Variants in ZNF808 observed in about 807,000 individuals in gnomAD.
The protein encoded by ZNF808 is zinc finger protein 808.
Under a neutral mutation model 8.7 loss-of-function variants are expected in ZNF808, and 5 were observed. The ratio of observed to expected loss-of-function variants is 0.58; its 90% CI spans 0.30 to 1.21. The LOEUF is 1.21. Among genes scored for constraint, ZNF808 ranks in the 50% most tolerant of loss-of-function variants. The pLI is 0.07. For synonymous variants in ZNF808, 380 were observed against 366.0 expected (o/e 1.04, Z -0.44); for missense variants, 1,103 against 1,098.4 (o/e 1.00, Z -0.06).
downstream of ZNF808, among the ~76,000 whole-genome samples, chr19:52,560,283 G>A (rs1166950411): frequency 1.3e-5 from 2 of 151,284 alleles, no homozygotes; most frequent in African/African-American, 4.9e-5. Flanking sequence ...CCAAGATTGT[G>A]CCACTGCACT....
rs746484474 is a variant in ZNF808 at position 52,555,170 on chromosome 19, T to C, written c.2254T>C (p.Cys752Arg). 1.2e-6 allele frequency: 2 copies of C among 1,613,624 alleles called. No individual in the cohort carries two copies. The highest frequency in any genetic ancestry group is 1.7e-6 in the Non-Finnish European group (2 of 1,179,610). The change falls in exon 5 of 5, where the codon TGC (cysteine) becomes CGC (arginine). Residue 752 changes from cysteine (C) to arginine (R), a missense_variant. Physicochemically the swap from Cys to Arg is radical, Grantham distance 180. Transcript: ENST00000359798. ...GTTCAGTCAGAAGGCAACCCTTCTA[T>C]GCCATCGTAGACTTCATAGTGGTGA... ...KTFSQKATLLCHRRLHSGEKP... is the reference protein window; with the variant it reads ...KTFSQKATLLRHRRLHSGEKP...
chr19:52,565,123 A>G (rs572128195), downstream of ZNF808, among the ~76,000 whole-genome samples: 1 of 152,198 alleles, frequency 6.6e-6, no homozygotes, highest in South Asian at 2.1e-4. Context: ...ATACAAATAC[A>G]AAATTAGGCG....
chr19:52,528,422 A>G (rs1488559401), intron 1 of ZNF808, among the ~76,000 whole-genome samples: 2 of 152,234 alleles, frequency 1.3e-5, no homozygotes, highest in African/African-American at 4.8e-5. Flanking sequence ...AGACAGAGAA[A>G]GAATAAGAAA....
At chr19:52,545,191 T>C (rs2059709261) in intron 3 of ZNF808, among the ~76,000 whole-genome samples, 1 of 152,194 alleles carries the variant, frequency 6.6e-6, no homozygotes, top group African/African-American at 2.4e-5. Context: ...TAAATTTGTT[T>C]TGAGTTGAGT....
At chr19:52,557,775 A>G (rs1478999958), downstream of ZNF808, among the ~76,000 whole-genome samples, 2 of 152,174 alleles carry the variant, frequency 1.3e-5, no homozygotes, top group Admixed American at 6.5e-5. Flanking sequence ...GGTATGCGTA[A>G]GATGCTTCTC....
intron 3 of ZNF808, among the ~76,000 whole-genome samples, chr19:52,562,178 G>C (rs2059860332): frequency 6.6e-6 from 1 of 152,082 alleles, no homozygotes; most frequent in African/African-American, 2.4e-5. Flanking sequence ...AGGAGTTTGA[G>C]AGCAGCCTGG....
At position 52,547,826 on chromosome 19, in the gene ZNF808, G is replaced by A. The variant is rs557513102; in HGVS notation, c.190+188G>A. Among the ~76,000 whole-genome samples, 4 of 142,506 alleles carry A rather than the reference G, an allele frequency of 2.8e-5. No individual in the cohort carries two copies. In the South Asian group the frequency reaches 7.0e-4, roughly 25 times the overall value. The allele number at this position is 142,506 out of a possible 152,430, so 93.5% of individuals were successfully genotyped here. On this transcript the variant is annotated intron_variant, in intron 4 of 4. Transcript: ENST00000359798. ...GGTATATCGGTTCACCATAACCTCC[G>A]CCTTCCAGGTTCAAGTGATTCTCCT... is the stretch of plus-strand genomic sequence containing the variant.
chr19:52,553,338 A>T lies in ZNF808; in HGVS notation c.422A>T (p.Gln141Leu). ...AAAAAGTTGACTGGTAGCACAGACC[A>T]ACATGATCACAGGCATGCTGGAAAC... ...KIKKLTGSTDQHDHRHAGNKP... is the reference protein window; with the variant it reads ...KIKKLTGSTDLHDHRHAGNKP... The change falls in exon 5 of 5, where the codon CAA (glutamine) becomes CTA (leucine). Residue 141 changes from glutamine (Q) to leucine (L), a missense_variant. Transcript: ENST00000359798. 6.2e-7 allele frequency: 1 copy of T among 1,614,154 alleles called. No homozygotes were observed. The highest frequency in any genetic ancestry group is 8.5e-7 in the Non-Finnish European group (1 of 1,179,962).
Position 52,554,051 on chromosome 19 carries a change from G to T in ZNF808, c.1135G>T (p.Ala379Ser), listed in dbSNP as rs369740825. 1.9e-6 allele frequency: 3 copies of T among 1,614,036 alleles called. No homozygotes were observed. The East Asian group carries it at 6.7e-5, about 36-fold the overall frequency. Residue 379 changes from alanine to serine, a missense_variant, in exon 5 of 5, where the codon GCT becomes TCT. Transcript: ENST00000359798. ...KPYKCKICEK[A>S]FACHSYLANH... ...TTACAAATGTAAGATTTGTGAGAAGGCTTTTGCGTGTCATTCCTATCTGGC... is the reference window on the plus strand; with the variant it reads ...TTACAAATGTAAGATTTGTGAGAAGTCTTTTGCGTGTCATTCCTATCTGGC...
At chr19:52,536,432 G>A (rs1478593396) in intron 2 of ZNF808, among the ~76,000 whole-genome samples, 3 of 152,090 alleles carry the variant, frequency 2.0e-5, no homozygotes, top group Non-Finnish European at 4.4e-5. Flanking sequence ...CCAGTCCTGG[G>A]GAGGCTGCGT....
Position 52,555,470 on chromosome 19 carries a change from T to C in ZNF808, c.2554T>C (p.Cys852Arg), listed in dbSNP as rs2059827393. ...TGEKPYKCEA[C>R]DKVFSRKSHL... ...AGAGAAACCTTACAAATGTGAAGCA[T>C]GTGACAAAGTTTTCAGTCGCAAATC... Residue 852 changes from cysteine (C) to arginine (R), a missense_variant, in exon 5 of 5, where the codon TGT (cysteine) becomes CGT (arginine). Cys to Arg is a radical substitution (Grantham distance 180). Coordinates refer to ENST00000359798, the MANE Select transcript of ZNF808 (RefSeq NM_001039886.4). The C allele has an allele frequency of 1.9e-6, 3 of 1,614,104 alleles. No homozygotes were observed. The highest frequency in any genetic ancestry group is 2.2e-5 in the East Asian group (1 of 44,880).
chr19:52,554,263 T>C lies in ZNF808; in HGVS notation c.1347T>C (p.His449=), dbSNP rs150775609. The C allele has an allele frequency of 1.1e-4, 185 of 1,614,096 alleles. No individual in the cohort carries two copies. The African/African-American group carries it at 2.4e-3, about 21-fold the overall frequency. Residue 449 remains histidine, a synonymous_variant, in exon 5 of 5, where the codon CAT becomes CAC. Transcript: ENST00000359798. ...CCCTTGAGAGACATAAGAGAATTCA[T>C]ACTGGAGAGAAACCATACAAATGTA... ...KSTLERHKRI[H]TGEKPYKCKV... is the part of the protein sequence containing the mutation.
intron 4 of ZNF808, among the ~76,000 whole-genome samples, chr19:52,549,595 C>T (rs1233493030): frequency 6.6e-6 from 1 of 152,090 alleles, no homozygotes; most frequent in African/African-American, 2.4e-5. Context: ...ATTAGTTCCA[C>T]TTTCGTCCAA....
intron 4 of ZNF808, among the ~76,000 whole-genome samples, chr19:52,548,424 ATGT>A (rs772420953): frequency 3.0e-4 from 46 of 152,028 alleles, no homozygotes; most frequent in Admixed American, 1.7e-3. Context: ...GTTCATTTCT[ATGT>A]TGTTGTTGTT....
rs1178079266 is a variant in ZNF808 at position 52,547,559 on chromosome 19, G to A, written c.111G>A (p.Glu37=). 1 of 1,614,084 alleles carries A rather than the reference G, an allele frequency of 6.2e-7. No individual in the cohort carries two copies. Among genetic ancestry groups the A allele is most frequent in the Admixed American group, 1.7e-5 (1 of 60,002 alleles). Residue 37 remains glutamate, a synonymous_variant, in exon 4 of 5, where the codon GAG becomes GAA. Transcript: ENST00000359798. The part of the protein sequence containing the change: ...RDVAIEFSLA[E]WKFLNPAQRA... ...TGGCTATAGAATTCTCATTGGCAGA[G>A]TGGAAATTCCTGAACCCTGCACAGA...
In ZNF808 at chr19:52,535,405, G is replaced by A. The variant is rs533472247; in HGVS notation, c.-20+2396G>A. On this transcript the variant is annotated intron_variant, in intron 2 of 4. Transcript: ENST00000359798. ...AGAGACGAGGGAGGGAGCCCTGCGG[G>A]AGGGGGTGTTACTTTGTCACCCAGG... Among the ~76,000 whole-genome samples, 5 of 152,116 alleles carry A rather than the reference G, an allele frequency of 3.3e-5. No individual in the cohort carries two copies. In the South Asian group the frequency reaches 1.0e-3, roughly 32 times the overall value.
At chr19:52,567,902 A>G (rs329967), downstream of ZNF808, among the ~76,000 whole-genome samples, 115,903 of 152,130 alleles carry the variant, frequency 0.76, 44,822 homozygotes, top group Non-Finnish European at 0.82. Flanking sequence ...AAGGACTTAG[A>G]ATCTCTTCTT....
chr19:52,529,913 T>TATATATATATATA (rs202165634), intron 1 of ZNF808, among the ~76,000 whole-genome samples: 1 of 81,790 alleles, frequency 1.2e-5, no homozygotes, highest in Non-Finnish European at 2.2e-5. Flanking sequence ...ATATATATAT[T>TATATATATATATA]TTTTTTTTTT....
downstream of ZNF808, among the ~76,000 whole-genome samples, chr19:52,567,428 T>C (rs1326769341): frequency 2.8e-5 from 4 of 144,540 alleles, no homozygotes; most frequent in Non-Finnish European, 6.1e-5. Flanking sequence ...TTTTTTTTTC[T>C]TTTTTTTTTT....
Sources: allele counts gnomAD v4.1 joint callset (sites outside exome capture counted in the v4.1 genomes callset), GRCh38; gene constraint gnomAD v4.1.1; transcripts MANE v1.5; gene names NCBI Gene and HGNC (gene_info 2026-07-23, HGNC 2026-07-21).